Variants in CACNA1A observed in about 807,000 individuals in gnomAD.
CACNA1A encodes the protein voltage-dependent P/Q-type calcium channel subunit alpha-1A.
A neutral mutation model predicts 262.4 loss-of-function variants in CACNA1A; 57 were observed. The ratio of observed to expected loss-of-function variants is 0.22; its 90% CI spans 0.18 to 0.27. CACNA1A has a LOEUF of 0.27. Ranked by LOEUF, CACNA1A falls within the 10% of genes least tolerant of loss-of-function variation. CACNA1A has a pLI of 1.00. For synonymous variants in CACNA1A, 1,431 were observed against 1,419.3 expected, an observed-to-expected ratio of 1.01 and a Z score of -0.18; for missense variants, 2,526 against 3,562.8, an observed-to-expected ratio of 0.71 and a Z score of 7.41.
chr19:13,436,275 A>C (rs575910892), intron 3 of CACNA1A, among the ~76,000 whole-genome samples: 2 of 152,272 alleles, frequency 1.3e-5, no homozygotes, highest in East Asian at 3.9e-4. Flanking sequence ...GGCGAGTGTG[A>C]TTCTGAGGTT....
chr19:13,312,524 T>C (rs1288051481), intron 12 of CACNA1A, 145 bp downstream of exon 12: 2 of 588,694 alleles, frequency 3.4e-6, no homozygotes, highest in African/African-American at 2.0e-5. Context: ...TGCCAGTGTT[T>C]GGGATTGTTT....
At chr19:13,491,662 C>T (rs983183026) in intron 1 of CACNA1A, among the ~76,000 whole-genome samples, 4 of 152,134 alleles carry the variant, frequency 2.6e-5, no homozygotes, top group African/African-American at 7.2e-5. Context: ...GCTGCCATTT[C>T]GCTTTGAAAT....
intron 1 of CACNA1A, among the ~76,000 whole-genome samples, chr19:13,459,553 A>T (rs1216878621): frequency 1.3e-5 from 2 of 152,216 alleles, no homozygotes; most frequent in Non-Finnish European, 2.9e-5. Flanking sequence ...GAGCCCAGAG[A>T]ACAAAGCTGG....
At chr19:13,431,044 G>C (rs1279984599) in intron 3 of CACNA1A, among the ~76,000 whole-genome samples, 1 of 151,918 alleles carries the variant, frequency 6.6e-6, no homozygotes, top group Non-Finnish European at 1.5e-5. Context: ...GGAGAGGAGA[G>C]TGGGAATAGA....
At chr19:13,454,854 G>A (rs1276294389) in intron 2 of CACNA1A, among the ~76,000 whole-genome samples, 1 of 152,104 alleles carries the variant, frequency 6.6e-6, no homozygotes, top group Non-Finnish European at 1.5e-5. Flanking sequence ...TGCTACTCAG[G>A]AGGCTGCAGT....
chr19:13,241,329 C>T lies in CACNA1A; in HGVS notation c.4950+3853G>A, dbSNP rs556398533. Among the ~76,000 whole-genome samples the T allele has an allele frequency of 1.3e-5, 2 of 152,098 alleles. No individual in the cohort carries two copies. The highest frequency in any genetic ancestry group is 4.2e-4 in the South Asian group (2 of 4,804). On this transcript the variant is annotated intron_variant, in intron 31 of 46. Transcript: ENST00000360228. The surrounding 1 kb of genome is among the most constrained non-coding windows in gnomAD (Gnocchi z 4.0). ...TCAGAACCCGATAAAAACAGAGAGA[C>T]AGAGTCTACAGGAAGTGGGAGGCAC...
chr19:13,354,876 T>C (rs1158729964), intron 6 of CACNA1A, among the ~76,000 whole-genome samples: 179 of 67,582 alleles, frequency 2.6e-3, no homozygotes, highest in Admixed American at 5.0e-3. Context: ...TTTCTTTTTT[T>C]TTTTTTTTTT....
At chr19:13,320,219 G>T (rs894681500) in intron 10 of CACNA1A, among the ~76,000 whole-genome samples, 1 of 141,086 alleles carries the variant, frequency 7.1e-6, no homozygotes, top group South Asian at 2.5e-4. Context: ...TGGGGGACAG[G>T]GGGGATGTTC....
Position 13,313,005 on chromosome 19 carries a change from C to T in CACNA1A, c.1556-224G>A, listed in dbSNP as rs534144937. Among the ~76,000 whole-genome samples the T allele has an allele frequency of 2.0e-5, 3 of 152,256 alleles. No individual in the cohort carries two copies. The South Asian group carries it at 6.2e-4, about 32-fold the overall frequency. ...TACAGGCATGTGTCACCACACCCAA[C>T]TTCTGACTTATCTTTTTTCTTTTTA... On this transcript the variant is annotated intron_variant, in intron 11 of 46. Coordinates refer to ENST00000360228, the MANE Select transcript of CACNA1A (RefSeq NM_001127222.2).
chr19:13,495,219 T>C (rs1981354852), intron 1 of CACNA1A, among the ~76,000 whole-genome samples: 1 of 152,330 alleles, frequency 6.6e-6, no homozygotes, highest in African/African-American at 2.4e-5. Flanking sequence ...TTTGGGGGGA[T>C]GTGAGGAAGG....
At chr19:13,490,715 AAGAAAGAAAGAAAGAAAG>A (rs1340949080) in intron 1 of CACNA1A, among the ~76,000 whole-genome samples, 162 of 141,916 alleles carry the variant, frequency 1.1e-3, no homozygotes, top group Non-Finnish European at 2.0e-3. Context: ...GAAAGAAAGA[AAGAAAGAAAGAAAGAAAG>A]AGAAAAGAAA....
chr19:13,454,355 T>G (rs1259095641), intron 2 of CACNA1A, among the ~76,000 whole-genome samples: 2 of 151,756 alleles, frequency 1.3e-5, no homozygotes, highest in Non-Finnish European at 2.9e-5. Flanking sequence ...CTTTGTAATA[T>G]TCTTGTTTCT....
At chr19:13,325,309 G>C (rs1438389727) in intron 10 of CACNA1A, among the ~76,000 whole-genome samples, 5 of 151,676 alleles carry the variant, frequency 3.3e-5, no homozygotes, top group Non-Finnish European at 7.4e-5. Flanking sequence ...GACCAGCCTG[G>C]GCAACATAGC....
At chr19:13,275,748 C>G (rs1052566738) in intron 24 of CACNA1A, 102 bp downstream of exon 24, 2 of 811,612 alleles carry the variant, frequency 2.5e-6, no homozygotes, top group Non-Finnish European at 4.2e-6. Flanking sequence ...AGCCCACACA[C>G]CCCATCCCTA....
intron 4 of CACNA1A, among the ~76,000 whole-genome samples, chr19:13,366,545 C>G (rs988823957): frequency 5.3e-5 from 8 of 152,188 alleles, no homozygotes; most frequent in African/African-American, 1.9e-4. Flanking sequence ...GATCTTCCAG[C>G]CTCTGCCTCC....
At chr19:13,433,365 G>A (rs570890750) in intron 3 of CACNA1A, among the ~76,000 whole-genome samples, 2 of 150,454 alleles carry the variant, frequency 1.3e-5, no homozygotes, top group East Asian at 3.9e-4. Context: ...GGAGGCTGAC[G>A]TGGGAGGATT....
chr19:13,505,464 T>C (rs1982907503), intron 1 of CACNA1A, among the ~76,000 whole-genome samples: 1 of 152,050 alleles, frequency 6.6e-6, no homozygotes, highest in Non-Finnish European at 1.5e-5. Flanking sequence ...GGAGAGGCTG[T>C]CCAGCTTCCC....
chr19:13,234,696 GGGCACGCCCCCTATCGGAAGAGAAGGCC>G (rs2055808482), intron 34 of CACNA1A, 197 bp downstream of exon 34: 3 of 537,172 alleles, frequency 5.6e-6, no homozygotes, highest in Non-Finnish European at 6.7e-6. Flanking sequence ...AGGAGGAGGA[GGGCACGCCCCCTATCGGAAGAGAAGGCC>G]GGCACGTCCC....
At position 13,279,422 on chromosome 19, in the gene CACNA1A, G is replaced by C. The variant is rs144516261; in HGVS notation, c.3823-2294C>G. 5.1e-3 allele frequency among the ~76,000 whole-genome samples: 775 copies of C among 152,212 alleles called. 7 individuals are homozygous for C. The highest frequency in any genetic ancestry group is 0.018 in the African/African-American group (729 of 41,544). Reference sequence around the variant, plus strand: ...GAAACAGTCGACAGTACCAAGTGTTGACAAGGATGTGGAAGAACAGGAGTT... The same window carrying C: ...GAAACAGTCGACAGTACCAAGTGTTCACAAGGATGTGGAAGAACAGGAGTT... On this transcript the variant is annotated intron_variant, in intron 22 of 46. Transcript: ENST00000360228.
Sources: allele counts gnomAD v4.1 joint callset (sites outside exome capture counted in the v4.1 genomes callset), GRCh38; gene constraint gnomAD v4.1.1; non-coding constraint Gnocchi (gnomAD v3.1); transcripts MANE v1.5; gene names NCBI Gene and HGNC (gene_info 2026-07-23, HGNC 2026-07-21).